The following STXBP2 variants were observed in gnomAD, a reference collection of about 807,000 sequenced individuals.
STXBP2 encodes syntaxin-binding protein 2.
In STXBP2, 47 loss-of-function variants were observed where a neutral mutation model predicts 72.2. The ratio of observed to expected loss-of-function variants is 0.65; its 90% CI spans 0.51 to 0.83. STXBP2 has a LOEUF of 0.83. Ranked by LOEUF, STXBP2 falls within the 40% of genes least tolerant of loss-of-function variation. The pLI is 0.00. For missense variants in STXBP2, 702 were observed against 807.6 expected, an observed-to-expected ratio of 0.87 and a Z score of 1.58; for synonymous variants, 367 against 338.7, an observed-to-expected ratio of 1.08 and a Z score of -0.92.
chr19:7,640,383 AGT>A lies in STXBP2; in HGVS notation c.247-345_247-344del, dbSNP rs1396185622. ...GTGTGTATGCGTGTGTGTGCGCATC[AGT>A]GTCTGCATGTGTGTATATGTGTGTA... On this transcript the variant is annotated intron_variant, in intron 4 of 18. Coordinates refer to ENST00000221283, the MANE Select transcript of STXBP2 (RefSeq NM_006949.4). 6 of 549,904 alleles carry A rather than the reference AGT, an allele frequency of 1.1e-5. No individual in the cohort carries two copies. The African/African-American group carries it at 1.4e-4, about 13-fold the overall frequency. The allele number at this position is 549,904 out of a possible 1,614,324, so 34.1% of individuals were successfully genotyped here. A position where few individuals can be genotyped will look rare whatever the true frequency, so the allele number is the denominator to read the frequency against.
Position 7,647,340 on chromosome 19 carries a change from C to T in STXBP2, c.1539-14C>T. On this transcript the variant is annotated splice_polypyrimidine_tract_variant and intron_variant, in intron 17 of 18. Transcript: ENST00000221283. ...GGGCCTCCTGCCTGGACTTTCTGCC[C>T]CTGCCCTGCACAGTGCCCGCTTCGG... The T allele has an allele frequency of 1.9e-6, 3 of 1,612,992 alleles. No homozygotes were observed. Among genetic ancestry groups the T allele is most frequent in the Non-Finnish European group, 2.5e-6 (3 of 1,179,926 alleles).
At chr19:7,640,853 G>A (rs780518431) in intron 5 of STXBP2, 44 bp downstream of exon 5, 7 of 1,613,876 alleles carry the variant, frequency 4.3e-6, no homozygotes, top group Non-Finnish European at 5.1e-6. Flanking sequence ...GGGCAAGGAG[G>A]TGTGGGGGCT....
rs373450263 is a variant in STXBP2 at position 7,642,065 on chromosome 19, G to A, written c.610G>A (p.Ala204Thr). Residue 204 changes from alanine to threonine, a missense_variant, in exon 8 of 19, where the codon GCC becomes ACC. Ala to Thr is a moderately conservative substitution (Grantham distance 58). Transcript: ENST00000221283. The surrounding 1 kb of genome is among the most constrained non-coding windows in gnomAD (Gnocchi z 6.0). ...GPEDTAQLAH[A>T]VLAKLNAFKA... ...AGAGGACACAGCCCAGTTGGCCCAC[G>A]CCGTCCTGGCCAAGCTGAACGCCTT... 42 of 1,613,844 alleles carry A rather than the reference G, an allele frequency of 2.6e-5. No homozygotes were observed. The highest frequency in any genetic ancestry group is 5.0e-5 in the Admixed American group (3 of 59,994).
chr19:7,640,430 CTGTG>C lies in STXBP2; in HGVS notation c.247-294_247-291del, dbSNP rs112075879. On this transcript the variant is annotated intron_variant, in intron 4 of 18. Transcript: ENST00000221283. Reference sequence around the variant, plus strand: ...TGTGTATGTATGTGTGCGCGCGCATCTGTGTGTGTGCATGTGTGTATGTATGTGT... The same window carrying C: ...TGTGTATGTATGTGTGCGCGCGCATCTGTGTGCATGTGTGTATGTATGTGT... 11 of 612,484 alleles carry C rather than the reference CTGTG, an allele frequency of 1.8e-5. No homozygotes were observed. The African/African-American group carries it at 1.8e-4, about 10-fold the overall frequency. The allele number at this position is 612,484 out of a possible 1,614,324, so 37.9% of individuals were successfully genotyped here.
At chr19:7,646,909 A>C in intron 16 of STXBP2, 4 of 572,390 alleles carry the variant, frequency 7.0e-6, no homozygotes, top group Non-Finnish European at 3.1e-6. Context: ...TTGCCGAGGA[A>C]CTGTGGGTTT....
intron 16 of STXBP2, 74 bp from the exon 17 acceptor site, chr19:7,647,078 GCCCCTGAATA>G (rs1477480707): frequency 1.4e-6 from 2 of 1,434,328 alleles, no homozygotes; most frequent in Non-Finnish European, 1.9e-6. Flanking sequence ...CAGGATCTTG[GCCCCTGAATA>G]CCCCGTGGGG....
chr19:7,637,199 C>T lies in STXBP2; in HGVS notation c.37+13C>T. 8.0e-7 allele frequency: 1 copy of T among 1,242,896 alleles called. No individual in the cohort carries two copies. The allele number at this position is 1,242,896 out of a possible 1,614,324, so 77.0% of individuals were successfully genotyped here. A position where few individuals can be genotyped will look rare whatever the true frequency, so the allele number is the denominator to read the frequency against. ...GTGGTGGGGGAAAGTGAGTGCCTCT[C>T]CGGGGCCGGGCTCTGGCGTCCGGTG... is the stretch of plus-strand genomic sequence containing the variant. On this transcript the variant is annotated intron_variant, in intron 1 of 18. Transcript: ENST00000221283.
Position 7,642,567 on chromosome 19 carries a change from C to CG in STXBP2, c.902+31_902+32insG. ...TGCACACGGGGACCGGATCCCCCCC[C>CG]CACCGCCCACTGTGGGCCTGGTAGC... On this transcript the variant is annotated intron_variant, in intron 10 of 18. Transcript: ENST00000221283. This position sits in a 1 kb window ranked among gnomAD's most constrained non-coding sequence, Gnocchi z 6.0. 6.2e-7 allele frequency: 1 copy of CG among 1,609,270 alleles called. No individual in the cohort carries two copies.
chr19:7,642,852 G>A lies in STXBP2; in HGVS notation c.960+29G>A. On this transcript the variant is annotated intron_variant, in intron 11 of 18. Coordinates refer to ENST00000221283, the MANE Select transcript of STXBP2 (RefSeq NM_006949.4). This position sits in a 1 kb window ranked among gnomAD's most constrained non-coding sequence, Gnocchi z 6.0. ...GGGGCGGACCCAGGTCACCAAAGGCGCTGGTGGAAGGAAGCCCCCCTCCCC... is the reference window on the plus strand; with the variant it reads ...GGGGCGGACCCAGGTCACCAAAGGCACTGGTGGAAGGAAGCCCCCCTCCCC... The A allele has an allele frequency of 6.2e-6, 10 of 1,614,020 alleles. No homozygotes were observed. Among genetic ancestry groups the A allele is most frequent in the Non-Finnish European group, 7.6e-6 (9 of 1,179,930 alleles).
rs1181724967 is a variant in STXBP2 at position 7,647,851 on chromosome 19, A to G, written c.*41A>G. On this transcript the variant is annotated 3_prime_UTR_variant, in exon 19 of 19. Coordinates refer to ENST00000221283, the MANE Select transcript of STXBP2 (RefSeq NM_006949.4). ...CCTACCCCTCCCTTTCCAGAGAAAT[A>G]AACTCTTCCCGTCGCTCTGCCAGCC... The G allele has an allele frequency of 3.2e-6, 5 of 1,557,186 alleles. No homozygotes were observed. Among genetic ancestry groups the G allele is most frequent in the Non-Finnish European group, 4.4e-6 (5 of 1,131,906 alleles).
intron 13 of STXBP2, among the ~76,000 whole-genome samples, chr19:7,643,784 G>C (rs112516411): frequency 4.2e-3 from 549 of 129,858 alleles, no homozygotes; most frequent in East Asian, 0.013. Flanking sequence ...CCTTGGAGAG[G>C]TGGGACCTGG....
chr19:7,638,748 G>A lies in STXBP2; in HGVS notation c.60G>A (p.Arg20=), dbSNP rs1568463168. 6.2e-7 allele frequency: 1 copy of A among 1,614,150 alleles called. No individual in the cohort carries two copies. The highest frequency in any genetic ancestry group is 8.5e-7 in the Non-Finnish European group (1 of 1,180,038). ...CAGAAATTCTGAGCGGAGTTATTCG[G>A]AGTGTCAAGAAGGATGGGGAGTGGA... ...VGEKILSGVI[R]SVKKDGEWKV... is the part of the protein sequence containing the mutation. Residue 20 remains arginine (R), a synonymous_variant, in exon 2 of 19, where the codon CGG becomes CGA. Transcript: ENST00000221283.
chr19:7,641,888 C>T (rs773654407), intron 7 of STXBP2, 35 bp downstream of exon 7: 8 of 1,583,294 alleles, frequency 5.1e-6, no homozygotes, highest in East Asian at 2.3e-5. Context: ...CCGATGCCGA[C>T]CCCCCCTTAA....
chr19:7,636,134 A>G (rs2031522275), upstream of STXBP2: 2 of 151,924 alleles, frequency 1.3e-5, no homozygotes, highest in Admixed American at 6.6e-5. Flanking sequence ...ATCCTTTCCT[A>G]TCTCCCCCAG....
intron 15 of STXBP2, 169 bp downstream of exon 15, chr19:7,645,475 A>G: frequency 1.6e-6 from 1 of 624,460 alleles, no homozygotes; most frequent in South Asian, 1.9e-5. Flanking sequence ...CCCAGAGGAC[A>G]CTGGGGCCTC....
chr19:7,641,236 G>A, intron 6 of STXBP2: 1 of 586,134 alleles, frequency 1.7e-6, no homozygotes, highest in South Asian at 1.8e-5. Flanking sequence ...TTGGCGTGGT[G>A]GCGTGCACCT....
intron 6 of STXBP2, 78 bp downstream of exon 6, chr19:7,641,081 G>GCGCCC: frequency 1.4e-6 from 2 of 1,475,824 alleles, no homozygotes; most frequent in Non-Finnish European, 1.9e-6. Context: ...AACAGACACT[G>GCGCCC]AGGCTGGGCG....
In STXBP2 at chr19:7,647,691, C is replaced by A. The variant is rs146551063; in HGVS notation, c.1697-34C>A. The A allele has an allele frequency of 1.9e-6, 3 of 1,612,188 alleles. No homozygotes were observed. The Admixed American group carries it at 5.0e-5, about 27-fold the overall frequency. On this transcript the variant is annotated intron_variant, in intron 18 of 18. Transcript: ENST00000221283. ...CTGTCAAAGACGAAGGCAGCGCCCC[C>A]CAACATCTTCCCCAAACCTCTGCCC...
chr19:7,638,600 C>A, intron 1 of STXBP2, 126 bp from the exon 2 acceptor site: 1 of 1,010,636 alleles, frequency 9.9e-7, no homozygotes, highest in Non-Finnish European at 1.5e-6. Flanking sequence ...AGATCCTCCT[C>A]TCTTAAAAAA....
Sources: allele counts gnomAD v4.1 joint callset (sites outside exome capture counted in the v4.1 genomes callset), GRCh38; gene constraint gnomAD v4.1.1; non-coding constraint Gnocchi (gnomAD v3.1); transcripts MANE v1.5; gene names NCBI Gene and HGNC (gene_info 2026-07-23, HGNC 2026-07-21).